Variants in DIP2C observed in about 807,000 individuals in gnomAD.
DIP2C encodes DIP2 acetate--CoA ligase C (putative).
In DIP2C, 33 loss-of-function variants were observed where a neutral mutation model predicts 192.4. The ratio of observed to expected loss-of-function variants is 0.17; its 90% CI spans 0.13 to 0.23. DIP2C has a LOEUF of 0.23. Ranked by LOEUF, DIP2C falls within the 10% of genes least tolerant of loss-of-function variation. The pLI, the probability that DIP2C is intolerant of heterozygous loss-of-function variation, is 1.00. For synonymous variants in DIP2C, 979 were observed against 864.1 expected (o/e 1.13, Z -2.33); for missense variants, 1,537 against 2,110.1 (o/e 0.73, Z 5.32).
In DIP2C at chr10:399,191, G is replaced by A. The variant is rs746627727; in HGVS notation, c.1178C>T (p.Pro393Leu). 6.2e-7 allele frequency: 1 copy of A among 1,613,950 alleles called. No individual in the cohort carries two copies. The highest frequency in any genetic ancestry group is 1.3e-5 in the African/African-American group (1 of 74,930). Residue 393 changes from proline (P) to leucine (L), a missense_variant, in exon 10 of 37, where the codon CCG (proline) becomes CTG (leucine). Coordinates refer to ENST00000280886, the MANE Select transcript of DIP2C (RefSeq NM_014974.3). Reference protein sequence around the residue: ...RVALVFPNNDPAAFMAAFYGC... With the variant: ...RVALVFPNNDLAAFMAAFYGC... ...GTAGAAAGCCGCCATGAAGGCAGCCGGATCATTGTTGGGGAACACCAGTGC... is the reference window on the plus strand; with the variant it reads ...GTAGAAAGCCGCCATGAAGGCAGCCAGATCATTGTTGGGGAACACCAGTGC...
chr10:600,409 C>T lies in DIP2C; in HGVS notation c.85+89085G>A, dbSNP rs1415084169. Reference sequence around the variant, plus strand: ...TGGGAACATGGAGGTGACTGAGCAGCAAGTGGGACGGCCACGACAGCCCAG... The same window carrying T: ...TGGGAACATGGAGGTGACTGAGCAGTAAGTGGGACGGCCACGACAGCCCAG... On this transcript the variant is annotated intron_variant, in intron 1 of 36. Coordinates refer to ENST00000280886, the MANE Select transcript of DIP2C (RefSeq NM_014974.3). Among the ~76,000 whole-genome samples the T allele has an allele frequency of 6.9e-5, 10 of 144,752 alleles. No homozygotes were observed. In the East Asian group the frequency reaches 2.3e-3, roughly 34 times the overall value. 95.0% of individuals were successfully genotyped at this position (144,752 alleles called of 152,430 possible). A position where few individuals can be genotyped will look rare whatever the true frequency, so the allele number is the denominator to read the frequency against.
At chr10:548,202 T>TCC (rs1329096929) in intron 1 of DIP2C, among the ~76,000 whole-genome samples, 1 of 58,298 alleles carries the variant, frequency 1.7e-5, no homozygotes, top group Admixed American at 2.3e-4. Context: ...CACACGAGTC[T>TCC]GCCCCACCCC....
intron 1 of DIP2C, among the ~76,000 whole-genome samples, chr10:532,179 G>C (rs1314269107): frequency 1.3e-5 from 2 of 152,144 alleles, no homozygotes; most frequent in East Asian, 3.9e-4. Context: ...CTGTGGATTT[G>C]TATTGCATGG....
At chr10:483,319 A>T (rs1843745390) in intron 2 of DIP2C, among the ~76,000 whole-genome samples, 1 of 152,270 alleles carries the variant, frequency 6.6e-6, no homozygotes, top group South Asian at 2.1e-4. Flanking sequence ...TTCCACGAAG[A>T]TCCTGCACAA....
At chr10:336,825 G>A (rs1957790852) in intron 29 of DIP2C, among the ~76,000 whole-genome samples, 1 of 152,050 alleles carries the variant, frequency 6.6e-6, no homozygotes, top group Non-Finnish European at 1.5e-5. Flanking sequence ...TGGAGGCCTA[G>A]GCAGCTGTGT....
chr10:477,097 G>A (rs1363215192), intron 2 of DIP2C, among the ~76,000 whole-genome samples: 3 of 149,032 alleles, frequency 2.0e-5, no homozygotes, highest in African/African-American at 5.0e-5. Flanking sequence ...ACAGACAGCA[G>A]GAGATACAAG....
At chr10:380,683 C>T (rs993083389) in intron 17 of DIP2C, among the ~76,000 whole-genome samples, 11 of 152,214 alleles carry the variant, frequency 7.2e-5, no homozygotes, top group African/African-American at 2.7e-4. Flanking sequence ...CGCTGTACTG[C>T]CTCCCACATT....
intron 1 of DIP2C, among the ~76,000 whole-genome samples, chr10:500,262 G>A (rs1845130791): frequency 6.6e-6 from 1 of 152,226 alleles, no homozygotes; most frequent in Non-Finnish European, 1.5e-5. Flanking sequence ...TCAGGAGCAG[G>A]GCCCATGGCT....
intron 32 of DIP2C, among the ~76,000 whole-genome samples, chr10:297,370 T>C (rs1463738149): frequency 1.3e-5 from 2 of 152,060 alleles, no homozygotes; most frequent in Admixed American, 1.3e-4. Flanking sequence ...GAGAGACATT[T>C]GCACTCCTCT....
chr10:588,684 G>A (rs868580981), intron 1 of DIP2C, among the ~76,000 whole-genome samples: 1 of 152,212 alleles, frequency 6.6e-6, no homozygotes, highest in Non-Finnish European at 1.5e-5. Context: ...TCGTGAGGCA[G>A]GCAGCCTTCG....
intron 29 of DIP2C, among the ~76,000 whole-genome samples, chr10:337,799 A>ATGTGTGTTGTGGAGG (rs1564577006): frequency 6.6e-4 from 11 of 16,710 alleles, no homozygotes; most frequent in East Asian, 2.4e-3. Flanking sequence ...GTGTGTGTGC[A>ATGTGTGTTGTGGAGG]CGTGTGTCGT....
chr10:406,989 C>CA (rs1964852970), intron 9 of DIP2C, among the ~76,000 whole-genome samples: 1 of 152,044 alleles, frequency 6.6e-6, no homozygotes, highest in South Asian at 2.1e-4. Flanking sequence ...CCAACCTGAC[C>CA]AATCAGCACT....
chr10:670,460 A>C (rs1830578787), intron 1 of DIP2C, among the ~76,000 whole-genome samples: 2 of 152,208 alleles, frequency 1.3e-5, no homozygotes. Flanking sequence ...ATCACAAAAC[A>C]GGGTAGGGTG....
chr10:479,781 G>T (rs183221476), intron 2 of DIP2C, among the ~76,000 whole-genome samples: 2 of 152,224 alleles, frequency 1.3e-5, no homozygotes, highest in African/African-American at 4.8e-5. Flanking sequence ...ATCCAGGGAC[G>T]GGAGAGTCTG....
intron 29 of DIP2C, among the ~76,000 whole-genome samples, chr10:333,527 C>T (rs1381173185): frequency 6.6e-6 from 1 of 152,224 alleles, no homozygotes; most frequent in Non-Finnish European, 1.5e-5. Flanking sequence ...ACGTGGCAGG[C>T]GTCACCTGTT....
At chr10:601,418 G>A (rs1341834898) in intron 1 of DIP2C, among the ~76,000 whole-genome samples, 2 of 152,170 alleles carry the variant, frequency 1.3e-5, no homozygotes, top group African/African-American at 2.4e-5. Context: ...GTAATCTTAC[G>A]GAGAAACTGC....
At chr10:288,450 G>A in intron 32 of DIP2C, 29 bp from the exon 33 acceptor site, 1 of 1,612,022 alleles carries the variant, frequency 6.2e-7, no homozygotes, top group Non-Finnish European at 8.5e-7. Flanking sequence ...AATATTCCTA[G>A]ATGTGTTTGC....
At position 651,247 on chromosome 10, in the gene DIP2C, T is replaced by G. The variant is rs750252842; in HGVS notation, c.85+38247A>C. On this transcript the variant is annotated intron_variant, in intron 1 of 36. Transcript: ENST00000280886. The surrounding 1 kb of genome is among the most constrained non-coding windows in gnomAD (Gnocchi z 4.1). ...TCACACCAATGATGGCGTCACAGCGTGGGTTCCGGTCACCAGTCGGCCTCC... is the reference window on the plus strand; with the variant it reads ...TCACACCAATGATGGCGTCACAGCGGGGGTTCCGGTCACCAGTCGGCCTCC... 1 of 716,202 alleles carries G rather than the reference T, an allele frequency of 1.4e-6. No individual in the cohort carries two copies. Among genetic ancestry groups the G allele is most frequent in the Non-Finnish European group, 2.6e-6 (1 of 385,114 alleles). 44.4% of individuals were successfully genotyped at this position (716,202 alleles called of 1,614,324 possible). A position where few individuals can be genotyped will look rare whatever the true frequency, so the allele number is the denominator to read the frequency against.
At position 418,628 on chromosome 10, in the gene DIP2C, G is replaced by C. The variant is rs141205485; in HGVS notation, c.739+437C>G. On this transcript the variant is annotated intron_variant, in intron 6 of 36. Coordinates refer to ENST00000280886, the MANE Select transcript of DIP2C (RefSeq NM_014974.3). ...TATCTCTGTCCAACGTGGATAAAAAGACCCTCTTTCCTCCAAAGTCTAAAG... is the reference window on the plus strand; with the variant it reads ...TATCTCTGTCCAACGTGGATAAAAACACCCTCTTTCCTCCAAAGTCTAAAG... Among the ~76,000 whole-genome samples, 3 of 152,326 alleles carry C rather than the reference G, an allele frequency of 2.0e-5. No homozygotes were observed. In the East Asian group the frequency reaches 5.8e-4, roughly 29 times the overall value.
Sources: gnomAD v4.1 joint callset for allele counts (sites outside exome capture counted in the v4.1 genomes callset) on GRCh38, gnomAD v4.1.1 for gene constraint, Gnocchi (gnomAD v3.1) non-coding constraint, MANE v1.5 for transcripts, NCBI Gene and HGNC (gene_info 2026-07-23, HGNC 2026-07-21) for gene names.